The following PXDNL variants were observed in gnomAD, a reference collection of about 807,000 sequenced individuals.
PXDNL encodes the protein peroxidasin like, also known as probable oxidoreductase PXDNL.
A neutral mutation model predicts 150.8 loss-of-function variants in PXDNL; 145 were observed. The observed-to-expected ratio is 0.96, with a 90% CI of 0.84 to 1.10. The LOEUF (loss-of-function observed/expected upper bound fraction) is 1.10, where lower values mean the gene tolerates loss of function less well. Among genes scored for constraint, PXDNL ranks in the 50% least tolerant of loss-of-function variants. PXDNL has a pLI of 0.00. For missense variants in PXDNL, 2,087 were observed against 1,873.9 expected, an observed-to-expected ratio of 1.11 and a Z score of -2.10; for synonymous variants, 757 against 725.7, an observed-to-expected ratio of 1.04 and a Z score of -0.69.
At chr8:51,368,504 T>C (rs551022485) in intron 19 of PXDNL, among the ~76,000 whole-genome samples, 1 of 152,262 alleles carries the variant, frequency 6.6e-6, no homozygotes, top group East Asian at 1.9e-4. Flanking sequence ...CAGTAAGCTA[T>C]TATTCGTGGG....
At chr8:51,616,392 C>T (rs1044861969) in intron 2 of PXDNL, among the ~76,000 whole-genome samples, 1 of 152,148 alleles carries the variant, frequency 6.6e-6, no homozygotes, top group Admixed American at 6.5e-5. Context: ...TACAACTTAC[C>T]TTCGAAAGAG....
At chr8:51,556,149 G>A (rs34846315) in intron 4 of PXDNL, among the ~76,000 whole-genome samples, 10,480 of 152,112 alleles carry the variant, frequency 0.069, 449 homozygotes, top group South Asian at 0.1. Context: ...GGGCATACCT[G>A]TAATCCCAGC....
chr8:51,520,665 A>G (rs1811643329), intron 4 of PXDNL, among the ~76,000 whole-genome samples: 1 of 152,156 alleles, frequency 6.6e-6, no homozygotes. Context: ...GTGCACCAGA[A>G]GAAACGGGAG....
chr8:51,471,124 A>C (rs993809847), intron 8 of PXDNL, among the ~76,000 whole-genome samples: 2 of 130,800 alleles, frequency 1.5e-5, no homozygotes, highest in African/African-American at 5.5e-5. Context: ...TCTACAAGGA[A>C]CTTAAACAAA....
chr8:51,390,894 C>G (rs562692308), intron 17 of PXDNL, among the ~76,000 whole-genome samples: 27 of 152,032 alleles, frequency 1.8e-4, no homozygotes, highest in African/African-American at 1.2e-4. Flanking sequence ...ATCCCTCCCC[C>G]CTCCTCCGAC....
At chr8:51,522,262 G>C (rs1335517440) in intron 4 of PXDNL, among the ~76,000 whole-genome samples, 2 of 152,100 alleles carry the variant, frequency 1.3e-5, no homozygotes, top group Admixed American at 6.6e-5. Context: ...AAAAATAAGA[G>C]AAACTATTTA....
chr8:51,744,346 G>A (rs1455305453), intron 1 of PXDNL, among the ~76,000 whole-genome samples: 1 of 151,020 alleles, frequency 6.6e-6, no homozygotes, highest in East Asian at 2.0e-4. Flanking sequence ...AAGAGAGAAA[G>A]AGAGAAAGAA....
chr8:51,689,213 C>T (rs1815938527), intron 1 of PXDNL, among the ~76,000 whole-genome samples: 1 of 152,220 alleles, frequency 6.6e-6, no homozygotes, highest in Admixed American at 6.5e-5. Flanking sequence ...GGGAGCTGCT[C>T]TGCAGCAGGA....
intron 1 of PXDNL, among the ~76,000 whole-genome samples, chr8:51,710,172 C>T (rs1816465797): frequency 6.6e-6 from 1 of 152,214 alleles, no homozygotes; most frequent in African/African-American, 2.4e-5. Flanking sequence ...TGAGACTCCA[C>T]CAAAAATTGA....
chr8:51,518,619 T>C (rs1232435147), intron 4 of PXDNL, among the ~76,000 whole-genome samples: 1 of 152,098 alleles, frequency 6.6e-6, no homozygotes, highest in African/African-American at 2.4e-5. Context: ...GCATAAATCA[T>C]AGCAGAAAAT....
intron 2 of PXDNL, among the ~76,000 whole-genome samples, chr8:51,608,853 A>AG (rs1813935842): frequency 6.9e-6 from 1 of 144,588 alleles, no homozygotes; most frequent in Non-Finnish European, 1.5e-5. Context: ...AAAAAAAAAA[A>AG]AAAAAAGAAA....
In PXDNL at chr8:51,561,731, T is replaced by C. The variant is rs1812724783; in HGVS notation, c.309-4820A>G. Among the ~76,000 whole-genome samples, 3 of 151,754 alleles carry C rather than the reference T, an allele frequency of 2.0e-5. No individual in the cohort carries two copies. In the South Asian group the frequency reaches 6.2e-4, roughly 32 times the overall value. ...GCCAGGGGCTACAGAGAGATGGAAATGGAGAGTTATTTAATGGGTATAGAG... is the reference window on the plus strand; with the variant it reads ...GCCAGGGGCTACAGAGAGATGGAAACGGAGAGTTATTTAATGGGTATAGAG... On this transcript the variant is annotated intron_variant, in intron 3 of 22. Transcript: ENST00000356297.
At chr8:51,786,788 A>G (rs1244568774) in intron 1 of PXDNL, among the ~76,000 whole-genome samples, 3 of 152,236 alleles carry the variant, frequency 2.0e-5, no homozygotes, top group African/African-American at 2.4e-5. Context: ...CAGATTTTCA[A>G]TGTAAAGGAA....
intron 17 of PXDNL, among the ~76,000 whole-genome samples, chr8:51,397,867 T>C (rs1808132975): frequency 6.6e-6 from 1 of 152,112 alleles, no homozygotes; most frequent in Non-Finnish European, 1.5e-5. Context: ...AACTCGTCTT[T>C]TAGCATTACA....
At chr8:51,630,502 T>A (rs955321290) in intron 2 of PXDNL, among the ~76,000 whole-genome samples, 7 of 152,012 alleles carry the variant, frequency 4.6e-5, no homozygotes, top group South Asian at 4.1e-4. Context: ...ACAGACAGCC[T>A]ACAAAACGGG....
At chr8:51,405,149 C>A (rs1808400893) in intron 17 of PXDNL, among the ~76,000 whole-genome samples, 1 of 152,134 alleles carries the variant, frequency 6.6e-6, no homozygotes, top group African/African-American at 2.4e-5. Context: ...GCTGGCCCGC[C>A]CGCGCCTCTC....
At chr8:51,420,242 C>T (rs1328129265) in intron 14 of PXDNL, among the ~76,000 whole-genome samples, 1 of 152,156 alleles carries the variant, frequency 6.6e-6, no homozygotes, top group African/African-American at 2.4e-5. Flanking sequence ...TTGGAAAATC[C>T]TCCTGTAAGG....
intron 5 of PXDNL, among the ~76,000 whole-genome samples, chr8:51,494,004 G>A (rs1331187824): frequency 6.6e-6 from 1 of 152,012 alleles, no homozygotes; most frequent in African/African-American, 2.4e-5. Flanking sequence ...TGAAATGAAG[G>A]AAAAAATGTT....
At chr8:51,791,746 C>T (rs2037515394) in intron 1 of PXDNL, among the ~76,000 whole-genome samples, 1 of 152,192 alleles carries the variant, frequency 6.6e-6, no homozygotes, top group South Asian at 2.1e-4. Flanking sequence ...ACTTGTCCTG[C>T]TTTACCAGAT....
Sources: allele counts gnomAD v4.1 joint callset (sites outside exome capture counted in the v4.1 genomes callset), GRCh38; gene constraint gnomAD v4.1.1; transcripts MANE v1.5; gene names NCBI Gene and HGNC (gene_info 2026-07-23, HGNC 2026-07-21).